Variants in SV2C observed in about 807,000 individuals in gnomAD.
SV2C encodes solute carrier family 22 member B3.
Under a neutral mutation model 79.7 loss-of-function variants are expected in SV2C, and 49 were observed. The observed-to-expected ratio is 0.61, with a 90% confidence interval of 0.49 to 0.78. SV2C has a LOEUF of 0.78. Among genes scored for constraint, SV2C ranks in the 30% least tolerant of loss-of-function variants. The pLI is 0.00. For missense variants in SV2C, 833 were observed against 912.9 expected, an observed-to-expected ratio of 0.91 and a Z score of 1.13; for synonymous variants, 334 against 333.2, an observed-to-expected ratio of 1.00 and a Z score of -0.03.
At chr5:75,983,158 A>G in the SV2C span, among the ~76,000 whole-genome samples, 2 of 152,254 alleles carry the variant, frequency 1.3e-5, no homozygotes, top group East Asian at 3.9e-4. Flanking sequence ...AAATCTGTAC[A>G]ACAGACCCTC....
chr5:75,990,293 CTT>C, the SV2C span, among the ~76,000 whole-genome samples: 2 of 151,760 alleles, frequency 1.3e-5, no homozygotes, highest in Non-Finnish European at 2.9e-5. Context: ...ATATTTAAGT[CTT>C]TAGTTTATCT....
chr5:76,192,311 T>C lies in SV2C; in HGVS notation c.581-2608T>C, dbSNP rs549343678. On this transcript the variant is annotated intron_variant, in intron 2 of 12. Coordinates refer to ENST00000502798, the MANE Select transcript of SV2C (RefSeq NM_014979.4). ...CAGGGCAAGGGAGGGAGGGACTGGT[T>C]TCACTGGTTCATGGGTCATACTTTG... 5.3e-5 allele frequency among the ~76,000 whole-genome samples: 8 copies of C among 152,216 alleles called. No homozygotes were observed. The South Asian group carries it at 1.7e-3, about 32-fold the overall frequency.
the SV2C span, among the ~76,000 whole-genome samples, chr5:75,885,131 G>C: frequency 6.6e-6 from 1 of 152,068 alleles, no homozygotes; most frequent in African/African-American, 2.4e-5. Flanking sequence ...TTGTGCAAAA[G>C]AAATTCTAGA....
At chr5:76,247,495 T>A (rs779507496) in intron 4 of SV2C, among the ~76,000 whole-genome samples, 1 of 152,244 alleles carries the variant, frequency 6.6e-6, no homozygotes, top group Non-Finnish European at 1.5e-5. Flanking sequence ...GTTTACTGAG[T>A]ACAGCTTATT....
chr5:76,267,888 C>A (rs941550699), intron 4 of SV2C, among the ~76,000 whole-genome samples: 8 of 152,228 alleles, frequency 5.3e-5, no homozygotes, highest in African/African-American at 1.9e-4. Context: ...AGGACTGAAG[C>A]TGTGTTTCTC....
chr5:76,317,395 A>G (rs1748659976), intron 12 of SV2C, among the ~76,000 whole-genome samples: 1 of 152,050 alleles, frequency 6.6e-6, no homozygotes, highest in Non-Finnish European at 1.5e-5. Context: ...GTCCAGAAAA[A>G]GCTTATTTCC....
chr5:76,245,958 G>A (rs1191301243), intron 4 of SV2C, among the ~76,000 whole-genome samples: 1 of 151,708 alleles, frequency 6.6e-6, no homozygotes, highest in Non-Finnish European at 1.5e-5. Context: ...GTGTGTGTGT[G>A]TGTGTTAAAG....
intron 12 of SV2C, among the ~76,000 whole-genome samples, chr5:76,308,801 TG>T (rs1271509105): frequency 6.6e-6 from 1 of 152,218 alleles, no homozygotes; most frequent in Non-Finnish European, 1.5e-5. Context: ...GATATTTTGT[TG>T]TACTTATCAA....
the SV2C span, among the ~76,000 whole-genome samples, chr5:75,890,110 G>A: frequency 2.6e-5 from 4 of 152,058 alleles, no homozygotes; most frequent in Non-Finnish European, 5.9e-5. Flanking sequence ...TATTTTCAAT[G>A]CATTATATTT....
chr5:75,953,020 A>G, the SV2C span, among the ~76,000 whole-genome samples: 11 of 151,964 alleles, frequency 7.2e-5, no homozygotes, highest in South Asian at 6.2e-4. Context: ...GATGTGGGTA[A>G]TTTATAAAGA....
At chr5:76,250,370 C>T (rs1303404423) in intron 4 of SV2C, among the ~76,000 whole-genome samples, 1 of 152,166 alleles carries the variant, frequency 6.6e-6, no homozygotes, top group Non-Finnish European at 1.5e-5. Context: ...AATGTCCTGA[C>T]TGAAATCTTG....
At chr5:75,932,708 G>A in the SV2C span, among the ~76,000 whole-genome samples, 9 of 152,186 alleles carry the variant, frequency 5.9e-5, no homozygotes, top group Non-Finnish European at 8.8e-5. Flanking sequence ...CACTCTGGGC[G>A]GGCCAGGTTT....
chr5:76,344,802 T>G (rs533550093), intron 12 of SV2C, among the ~76,000 whole-genome samples: 1 of 152,376 alleles, frequency 6.6e-6, no homozygotes, highest in African/African-American at 2.4e-5. Context: ...TTGTGATTCA[T>G]TTCTTTCTTA....
At chr5:75,858,103 C>A in the SV2C span, among the ~76,000 whole-genome samples, 1 of 152,036 alleles carries the variant, frequency 6.6e-6, no homozygotes, top group Non-Finnish European at 1.5e-5. Flanking sequence ...ATTTCTTTCT[C>A]TTTGTCTGAT....
At chr5:76,257,748 G>GGACGCAT (rs1561286576) in intron 4 of SV2C, among the ~76,000 whole-genome samples, 3 of 151,268 alleles carry the variant, frequency 2.0e-5, no homozygotes, top group Non-Finnish European at 4.4e-5. Context: ...TGTTGGGTGT[G>GGACGCAT]GACGCATGTA....
chr5:76,228,514 G>T (rs1532697), intron 4 of SV2C, among the ~76,000 whole-genome samples: 29,125 of 151,998 alleles, frequency 0.19, 4,173 homozygotes, highest in African/African-American at 0.4. Context: ...AACCCGTAAC[G>T]GAGCAGCTAG....
intron 1 of SV2C, among the ~76,000 whole-genome samples, chr5:76,121,509 G>A (rs753893625): frequency 0.011 from 1,710 of 151,432 alleles, 7 homozygotes; most frequent in Non-Finnish European, 0.014. Flanking sequence ...CAGGTCTAAC[G>A]TTTAAGTCTT....
chr5:76,025,372 G>T, the SV2C span, among the ~76,000 whole-genome samples: 3 of 152,100 alleles, frequency 2.0e-5, no homozygotes, highest in Admixed American at 6.6e-5. Context: ...AGACAGCCAG[G>T]AGACTAATAT....
chr5:75,981,415 T>A, the SV2C span, among the ~76,000 whole-genome samples: 1 of 152,040 alleles, frequency 6.6e-6, no homozygotes, highest in Non-Finnish European at 1.5e-5. Flanking sequence ...GCCAAGGCAA[T>A]CCTAAGCAAA....
Sources: allele counts gnomAD v4.1 joint callset (sites outside exome capture counted in the v4.1 genomes callset), GRCh38; gene constraint gnomAD v4.1.1; transcripts MANE v1.5; gene names NCBI Gene and HGNC (gene_info 2026-07-23, HGNC 2026-07-21).